Variants in SNX29 observed in about 807,000 individuals in gnomAD.
SNX29 encodes sorting nexin 29, also known as sorting nexin-29.
A neutral mutation model predicts 102.1 loss-of-function variants in SNX29; 78 were observed. That is an observed-to-expected ratio of 0.76 (90% CI 0.64 to 0.92). The LOEUF (loss-of-function observed/expected upper bound fraction) is 0.92. Among genes scored for constraint, SNX29 ranks in the 40% least tolerant of loss-of-function variants. SNX29 has a pLI of 0.00. For missense variants in SNX29, 1,280 were observed against 1,061.7 expected, an observed-to-expected ratio of 1.21 and a Z score of -2.86; for synonymous variants, 580 against 414.5, an observed-to-expected ratio of 1.40 and a Z score of -4.85.
chr16:12,317,566 A>G (rs1440463254), intron 15 of SNX29, among the ~76,000 whole-genome samples: 1 of 152,102 alleles, frequency 6.6e-6, no homozygotes. Flanking sequence ...AGAACAAATA[A>G]CATGGCTTAG....
chr16:12,206,767 A>G (rs928902985), intron 14 of SNX29, among the ~76,000 whole-genome samples: 6 of 149,536 alleles, frequency 4.0e-5, no homozygotes, highest in Non-Finnish European at 7.4e-5. Flanking sequence ...AAAAATCCCA[A>G]TGCTTGGCCC....
chr16:12,151,474 A>C (rs180927292), intron 13 of SNX29, among the ~76,000 whole-genome samples: 106 of 152,284 alleles, frequency 7.0e-4, no homozygotes, highest in Non-Finnish European at 1.2e-3. Flanking sequence ...TCAGAAAAAA[A>C]AGAATATCCA....
At chr16:12,480,194 C>G (rs1437163691) in intron 19 of SNX29, among the ~76,000 whole-genome samples, 2 of 152,176 alleles carry the variant, frequency 1.3e-5, no homozygotes, top group African/African-American at 4.8e-5. Flanking sequence ...AAAACAAATT[C>G]ATTATCTTAC....
chr16:12,101,868 C>A (rs1207709637), intron 11 of SNX29, among the ~76,000 whole-genome samples: 1 of 152,126 alleles, frequency 6.6e-6, no homozygotes, highest in African/African-American at 2.4e-5. Flanking sequence ...CTGCACCCAT[C>A]AGCCCGTCAT....
intron 18 of SNX29, among the ~76,000 whole-genome samples, chr16:12,464,149 T>C (rs1010901727): frequency 3.3e-5 from 5 of 151,810 alleles, no homozygotes; most frequent in Admixed American, 2.6e-4. Context: ...TTTGGTGTAA[T>C]ACGATCCCCT....
rs151305228 is a variant in SNX29 at position 12,561,844 on chromosome 16, G to A, written c.2319-6662G>A. 7.0e-3 allele frequency among the ~76,000 whole-genome samples: 1,069 copies of A among 152,266 alleles called. 18 individuals are homozygous for A. The highest frequency in any genetic ancestry group is 0.025 in the African/African-American group (1,020 of 41,544). On this transcript the variant is annotated intron_variant, in intron 20 of 20. Coordinates refer to ENST00000566228, the MANE Select transcript of SNX29 (RefSeq NM_032167.5). ...TACATCCTTCTCCCTGCAGGGGAGG[G>A]GAGGCAGTGCCCTGGGGACTTATGG... is the stretch of plus-strand genomic sequence containing the variant.
At chr16:12,148,897 TC>T (rs1331374289) in intron 13 of SNX29, among the ~76,000 whole-genome samples, 1 of 152,050 alleles carries the variant, frequency 6.6e-6, no homozygotes, top group Non-Finnish European at 1.5e-5. Context: ...AGACAGGGTT[TC>T]TCCATGTTTG....
intron 14 of SNX29, among the ~76,000 whole-genome samples, chr16:12,244,263 A>T (rs113979559): frequency 0.017 from 2,615 of 152,280 alleles, 76 homozygotes; most frequent in African/African-American, 0.06. Context: ...TTAGGGTGCC[A>T]AAGTGGAGTC....
At chr16:12,184,709 A>G (rs79688550) in intron 13 of SNX29, among the ~76,000 whole-genome samples, 5,679 of 152,292 alleles carry the variant, frequency 0.037, 225 homozygotes, top group East Asian at 0.17. Flanking sequence ...AGGCCAGAGA[A>G]CAGACACTCC....
intron 19 of SNX29, among the ~76,000 whole-genome samples, chr16:12,479,045 G>T (rs1212078395): frequency 1.3e-5 from 2 of 152,216 alleles, no homozygotes; most frequent in Admixed American, 1.3e-4. Context: ...TGCCATGGTT[G>T]TTCTCAAAGT....
At chr16:12,182,957 AG>A (rs1429363822) in intron 13 of SNX29, among the ~76,000 whole-genome samples, 5 of 149,990 alleles carry the variant, frequency 3.3e-5, no homozygotes, top group African/African-American at 1.2e-4. Flanking sequence ...AAAAAAAAAA[AG>A]GACATCATGA....
In SNX29 at chr16:12,189,772, G is replaced by A. The variant is rs377034703; in HGVS notation, c.1596-9829G>A. On this transcript the variant is annotated intron_variant, in intron 13 of 20. Transcript: ENST00000566228. ...CATTACTATCACTGTTTTGATGCCCGGATCGTCTCAGAGCGTCCGAGCATC... is the reference window on the plus strand; with the variant it reads ...CATTACTATCACTGTTTTGATGCCCAGATCGTCTCAGAGCGTCCGAGCATC... 2.6e-3 allele frequency among the ~76,000 whole-genome samples: 388 copies of A among 151,642 alleles called. 23 individuals carry two copies. The South Asian group carries it at 0.075, about 29-fold the overall frequency.
Position 12,356,094 on chromosome 16 carries a change from A to G in SNX29, c.1783-69A>G, listed in dbSNP as rs1050420291. On this transcript the variant is annotated intron_variant, in intron 15 of 20. Coordinates refer to ENST00000566228, the MANE Select transcript of SNX29 (RefSeq NM_032167.5). ...TGACAGGTGTCAGGAAGGAGAGTCC[A>G]GAGAAGGCGGGATTGGTCCCTGGGG... The G allele has an allele frequency of 1.2e-5, 18 of 1,446,332 alleles. No homozygotes were observed. The African/African-American group carries it at 2.5e-4, about 20-fold the overall frequency. 89.6% of individuals were successfully genotyped at this position (1,446,332 alleles called of 1,614,324 possible).
chr16:12,085,526 C>G (rs2052128357), intron 11 of SNX29, among the ~76,000 whole-genome samples: 1 of 152,140 alleles, frequency 6.6e-6, no homozygotes, highest in Admixed American at 6.5e-5. Flanking sequence ...GGGGTTTTGC[C>G]ATGTTGGCTA....
intron 18 of SNX29, among the ~76,000 whole-genome samples, chr16:12,452,393 A>C (rs2086344163): frequency 5.3e-5 from 1 of 18,964 alleles, no homozygotes; most frequent in African/African-American, 1.2e-3. Flanking sequence ...AATAGCGGGT[A>C]GCCGTCAAAT....
At chr16:12,216,161 T>C (rs530808965) in intron 14 of SNX29, among the ~76,000 whole-genome samples, 3 of 152,102 alleles carry the variant, frequency 2.0e-5, no homozygotes, top group African/African-American at 4.8e-5. Context: ...TTATAGAAAA[T>C]TAAAGAAGAT....
rs1567533282 is a variant in SNX29 at position 12,408,181 on chromosome 16, A to AAAAAAAAAAC, written c.2037+4658_2037+4659insAAACAAAAAA. Among the ~76,000 whole-genome samples, 14 of 148,662 alleles carry AAAAAAAAAAC rather than the reference A, an allele frequency of 9.4e-5. 1 individual carries two copies. Among genetic ancestry groups the AAAAAAAAAAC allele is most frequent in the African/African-American group, 3.0e-4 (12 of 40,000 alleles). ...TCAAAAAAACAAACAAACAAACAAA[A>AAAAAAAAAAC]AAAAAACTAGAAGCAGCTGGGACAG... is the stretch of plus-strand genomic sequence containing the variant. On this transcript the variant is annotated intron_variant, in intron 18 of 20. Transcript: ENST00000566228.
intron 17 of SNX29, among the ~76,000 whole-genome samples, chr16:12,401,110 C>T (rs547836067): frequency 3.6e-4 from 55 of 152,158 alleles, no homozygotes; most frequent in Non-Finnish European, 4.3e-4. Context: ...AGATTACAGG[C>T]GTGAGCCACA....
chr16:12,155,674 C>T (rs7206824), intron 13 of SNX29, among the ~76,000 whole-genome samples: 4 of 152,060 alleles, frequency 2.6e-5, no homozygotes, highest in South Asian at 4.2e-4. Context: ...GGTGGCATGC[C>T]GAGATGGAAA....
Sources: allele counts gnomAD v4.1 joint callset (sites outside exome capture counted in the v4.1 genomes callset), GRCh38; gene constraint gnomAD v4.1.1; transcripts MANE v1.5; gene names NCBI Gene and HGNC (gene_info 2026-07-23, HGNC 2026-07-21).